ADAM22: variants seen among roughly 807,000 people sequenced by gnomAD.
ADAM22 encodes ADAM metallopeptidase domain 22.
Under a neutral mutation model 144.6 loss-of-function variants are expected in ADAM22, and 65 were observed. That is an observed-to-expected ratio of 0.45 (90% CI 0.37 to 0.55). ADAM22 has a LOEUF of 0.55. ADAM22 is among the 20% of genes least tolerant of loss of function. The probability of loss-of-function intolerance (pLI) is 0.00; values close to 1 mark genes in which losing one functional copy is unlikely to be tolerated. For missense variants in ADAM22, 974 were observed against 1,184.9 expected, an observed-to-expected ratio of 0.82 and a Z score of 2.61; for synonymous variants, 391 against 412.6, an observed-to-expected ratio of 0.95 and a Z score of 0.63.
intron 7 of ADAM22, among the ~76,000 whole-genome samples, chr7:88,118,533 T>C (rs1281861984): frequency 6.6e-6 from 1 of 152,050 alleles, no homozygotes; most frequent in African/African-American, 2.4e-5. Context: ...AAGCTATAAT[T>C]TAATGGGTAT....
intron 4 of ADAM22, among the ~76,000 whole-genome samples, chr7:88,084,573 G>C (rs1419445343): frequency 5.9e-5 from 9 of 152,088 alleles, no homozygotes; most frequent in Admixed American, 5.2e-4. Flanking sequence ...TTCTCTGCTG[G>C]TTCCCTCCTG....
At chr7:88,018,135 T>A (rs1796957988) in intron 3 of ADAM22, among the ~76,000 whole-genome samples, 1 of 152,172 alleles carries the variant, frequency 6.6e-6, no homozygotes, top group Admixed American at 6.5e-5. Context: ...AAAAATCACA[T>A]AGTGTATCCT....
rs1411755420 is a variant in ADAM22 at position 87,966,667 on chromosome 7, G to A, written c.247-11669G>A. Among the ~76,000 whole-genome samples, 38 of 142,210 alleles carry A rather than the reference G, an allele frequency of 2.7e-4. No individual in the cohort carries two copies. In the Admixed American group the frequency reaches 2.7e-3, roughly 10 times the overall value. The allele number at this position is 142,210 out of a possible 152,430, so 93.3% of individuals were successfully genotyped here. On this transcript the variant is annotated intron_variant, in intron 2 of 31. Coordinates refer to ENST00000413139, the MANE Select transcript of ADAM22 (RefSeq NM_001324418.2). ...TAGTGCCTTCAGAACTGGAAATGTA[G>A]CAAGGTAAATTCGGGGAATGCCTCT...
chr7:88,169,797 T>A (rs1651644609), intron 25 of ADAM22, among the ~76,000 whole-genome samples: 2 of 152,142 alleles, frequency 1.3e-5, no homozygotes, highest in Non-Finnish European at 2.9e-5. Context: ...TAATGCATGA[T>A]TTAAGTAGTA....
chr7:88,061,839 CTTTTTT>C (rs60313970), intron 3 of ADAM22, among the ~76,000 whole-genome samples: 1 of 112,028 alleles, frequency 8.9e-6, no homozygotes, highest in Admixed American at 1.0e-4. Flanking sequence ...CTCTCTCTCT[CTTTTTT>C]TTTTTTTTTT....
intron 3 of ADAM22, among the ~76,000 whole-genome samples, chr7:88,014,609 G>T (rs1205028222): frequency 6.6e-6 from 1 of 152,092 alleles, no homozygotes; most frequent in Non-Finnish European, 1.5e-5. Flanking sequence ...CAGGGGTGGT[G>T]GCAGACACCT....
intron 30 of ADAM22, among the ~76,000 whole-genome samples, chr7:88,187,740 ACT>A (rs1848635277): frequency 6.6e-6 from 1 of 152,094 alleles, no homozygotes; most frequent in Non-Finnish European, 1.5e-5. Context: ...TGTGTTTTTA[ACT>A]CTCAGCACCC....
At chr7:88,034,213 G>T (rs1469452215) in intron 3 of ADAM22, among the ~76,000 whole-genome samples, 1 of 152,142 alleles carries the variant, frequency 6.6e-6, no homozygotes, top group African/African-American at 2.4e-5. Context: ...CTTGGCTACT[G>T]CTGCCGATTA....
intron 3 of ADAM22, among the ~76,000 whole-genome samples, chr7:88,027,223 A>T (rs892328926): frequency 6.6e-6 from 1 of 152,142 alleles, no homozygotes; most frequent in Non-Finnish European, 1.5e-5. Context: ...TGGCTTTAGT[A>T]TCAGGGTAAT....
At chr7:88,040,949 C>G (rs1027143759) in intron 3 of ADAM22, among the ~76,000 whole-genome samples, 1 of 152,048 alleles carries the variant, frequency 6.6e-6, no homozygotes, top group Non-Finnish European at 1.5e-5. Flanking sequence ...CAAAAGGTCA[C>G]TCTCAGATCT....
chr7:87,978,504 T>G lies in ADAM22; in HGVS notation c.323+92T>G. The G allele has an allele frequency of 8.7e-6, 9 of 1,035,288 alleles. No homozygotes were observed. The South Asian group carries it at 1.1e-4, about 13-fold the overall frequency. The allele number at this position is 1,035,288 out of a possible 1,614,324, so 64.1% of individuals were successfully genotyped here. On this transcript the variant is annotated intron_variant, in intron 3 of 31. Transcript: ENST00000413139. Reference sequence around the variant, plus strand: ...AGTTTTTTCTTACTATATTTTACTTTGTCTTCCTATACCGGTTAAATACTA... The same window carrying G: ...AGTTTTTTCTTACTATATTTTACTTGGTCTTCCTATACCGGTTAAATACTA...
chr7:88,033,732 C>T (rs1216876463), intron 3 of ADAM22, among the ~76,000 whole-genome samples: 1 of 152,180 alleles, frequency 6.6e-6, no homozygotes, highest in Non-Finnish European at 1.5e-5. Context: ...GTGCTCCATT[C>T]TTCTGTAGCT....
intron 3 of ADAM22, among the ~76,000 whole-genome samples, chr7:88,021,568 C>T (rs1797834949): frequency 6.6e-6 from 1 of 152,132 alleles, no homozygotes; most frequent in Admixed American, 6.5e-5. Context: ...CGATCTGGCT[C>T]AGAAATAAAA....
chr7:88,139,348 G>T (rs1833938813), intron 14 of ADAM22, among the ~76,000 whole-genome samples: 1 of 152,022 alleles, frequency 6.6e-6, no homozygotes. Context: ...AACCCAGGAG[G>T]CAGAGGTTGC....
At chr7:88,114,960 A>G (rs908479142) in intron 6 of ADAM22, among the ~76,000 whole-genome samples, 11 of 152,152 alleles carry the variant, frequency 7.2e-5, no homozygotes, top group Non-Finnish European at 1.6e-4. Context: ...AGTGTTTTTT[A>G]AAAAATTTCT....
At chr7:88,109,579 A>T (rs930724027) in intron 5 of ADAM22, among the ~76,000 whole-genome samples, 1 of 152,088 alleles carries the variant, frequency 6.6e-6, no homozygotes, top group Admixed American at 6.6e-5. Flanking sequence ...ACAAGCAGTT[A>T]CTGGGTGTCT....
chr7:87,944,416 T>C (rs184045208), intron 2 of ADAM22, among the ~76,000 whole-genome samples: 41 of 152,340 alleles, frequency 2.7e-4, no homozygotes, highest in African/African-American at 8.9e-4. Context: ...CAGATTTCTT[T>C]GATTTCCCTA....
intron 2 of ADAM22, among the ~76,000 whole-genome samples, chr7:87,973,241 A>G (rs1322886347): frequency 1.3e-5 from 2 of 152,152 alleles, no homozygotes; most frequent in African/African-American, 2.4e-5. Context: ...AAACAAATTT[A>G]CAAGAAAAAA....
intron 3 of ADAM22, among the ~76,000 whole-genome samples, chr7:88,050,159 A>AGATAACTTG (rs1805821131): frequency 6.6e-6 from 1 of 151,144 alleles, no homozygotes; most frequent in Non-Finnish European, 1.5e-5. Context: ...CAAGGCAGGA[A>AGATAACTTG]GATAACTTGA....
Sources: gnomAD v4.1 joint callset for allele counts (sites outside exome capture counted in the v4.1 genomes callset) on GRCh38, gnomAD v4.1.1 for gene constraint, MANE v1.5 for transcripts, NCBI Gene and HGNC (gene_info 2026-07-23, HGNC 2026-07-21) for gene names.